The following GLB1 variants were observed in gnomAD, a reference collection of about 807,000 sequenced individuals.
GLB1 encodes beta-galactosidase.
GLB1 carries 56 observed loss-of-function variants against 74.0 expected under a neutral mutation model. The observed-to-expected ratio is 0.76, with a 90% confidence interval of 0.61 to 0.94. The LOEUF (loss-of-function observed/expected upper bound fraction) is 0.94, where lower values mean the gene tolerates loss of function less well. Among genes scored for constraint, GLB1 ranks in the 40% least tolerant of loss-of-function variants. The pLI, the probability that GLB1 is intolerant of heterozygous loss-of-function variation, is 0.00. For synonymous variants in GLB1, 323 were observed against 323.6 expected (o/e 1.00, Z 0.02); for missense variants, 787 against 845.5 (o/e 0.93, Z 0.86).
intron 14 of GLB1, among the ~76,000 whole-genome samples, chr3:33,015,245 G>T (rs1384875551): frequency 6.6e-6 from 1 of 152,178 alleles, no homozygotes. Flanking sequence ...GACGGATGCA[G>T]CCAGGAGCAA....
Position 33,093,147 on chromosome 3 carries a change from T to C in GLB1, c.75+3864A>G. 6.2e-7 allele frequency: 1 copy of C among 1,614,120 alleles called. No homozygotes were observed. Among genetic ancestry groups the C allele is most frequent in the African/African-American group, 1.3e-5 (1 of 75,014 alleles). On this transcript the variant is annotated intron_variant, in intron 1 of 15. Coordinates refer to ENST00000307363, the MANE Select transcript of GLB1 (RefSeq NM_000404.4). This position sits in a 1 kb window ranked among gnomAD's most constrained non-coding sequence, Gnocchi z 6.0. ...GCAGCCCTCCAGGGCCTTGTCAAGATCCATGCCATGGCCAGAGTAGTGCAG... is the reference window on the plus strand; with the variant it reads ...GCAGCCCTCCAGGGCCTTGTCAAGACCCATGCCATGGCCAGAGTAGTGCAG...
chr3:33,051,727 T>C (rs1698998125), intron 9 of GLB1, 31 bp downstream of exon 9: 1 of 1,613,664 alleles, frequency 6.2e-7, no homozygotes, highest in Non-Finnish European at 8.5e-7. Context: ...CATTCTAGCA[T>C]AAGTTTCTAC....
At chr3:33,089,869 T>G (rs1700675244) in intron 1 of GLB1, among the ~76,000 whole-genome samples, 1 of 152,308 alleles carries the variant, frequency 6.6e-6, no homozygotes. Context: ...TGTTGAACTA[T>G]TCACTTAAAA....
chr3:32,990,916 G>A, the GLB1 span, among the ~76,000 whole-genome samples: 5 of 152,158 alleles, frequency 3.3e-5, no homozygotes, highest in Non-Finnish European at 5.9e-5. Flanking sequence ...GGAGCTTGCA[G>A]TGAGCAGAGA....
intron 10 of GLB1, among the ~76,000 whole-genome samples, chr3:33,031,201 C>G (rs1025107749): frequency 6.6e-6 from 1 of 152,126 alleles, no homozygotes; most frequent in Admixed American, 6.6e-5. Context: ...GAGACATATT[C>G]CGCTTTTTGA....
At chr3:32,985,648 G>A in the GLB1 span, among the ~76,000 whole-genome samples, 3 of 151,868 alleles carry the variant, frequency 2.0e-5, no homozygotes, top group Non-Finnish European at 4.4e-5. Context: ...GCATATGTGT[G>A]TTTAGTATTG....
At position 33,093,308 on chromosome 3, in the gene GLB1, A is replaced by G. The variant is rs377153033; in HGVS notation, c.75+3703T>C. On this transcript the variant is annotated intron_variant, in intron 1 of 15. Coordinates refer to ENST00000307363, the MANE Select transcript of GLB1 (RefSeq NM_000404.4). This position sits in a 1 kb window ranked among gnomAD's most constrained non-coding sequence, Gnocchi z 6.0. ...CGTTCTCATTATGAAGAGGCTGGACATGCAGGGATTCCAGAAGTGCAAACC... is the reference window on the plus strand; with the variant it reads ...CGTTCTCATTATGAAGAGGCTGGACGTGCAGGGATTCCAGAAGTGCAAACC... 1 of 1,614,104 alleles carries G rather than the reference A, an allele frequency of 6.2e-7. No homozygotes were observed.
chr3:33,047,893 C>G (rs192141081), intron 9 of GLB1, among the ~76,000 whole-genome samples: 76 of 152,260 alleles, frequency 5.0e-4, no homozygotes, highest in African/African-American at 1.6e-3. Flanking sequence ...TCACAGCCAA[C>G]AGGTCTGCCT....
intron 4 of GLB1, 109 bp from the exon 5 acceptor site, chr3:33,065,666 A>T (rs1699642107): frequency 7.4e-7 from 1 of 1,355,956 alleles, no homozygotes; most frequent in South Asian, 1.3e-5. Context: ...TAAACTTTTT[A>T]AAAACATTCT....
At chr3:33,059,010 C>T (rs1158315642) in intron 5 of GLB1, among the ~76,000 whole-genome samples, 1 of 152,270 alleles carries the variant, frequency 6.6e-6, no homozygotes, top group South Asian at 2.1e-4. Context: ...TGTCATACCT[C>T]GGCAGACATG....
At chr3:33,016,444 A>G (rs1204515351) in intron 14 of GLB1, among the ~76,000 whole-genome samples, 1 of 152,072 alleles carries the variant, frequency 6.6e-6, no homozygotes, top group Non-Finnish European at 1.5e-5. Context: ...TTAATCTCCA[A>G]CTTCTGGACT....
chr3:33,050,557 C>T (rs4479543), intron 9 of GLB1, among the ~76,000 whole-genome samples: 12,321 of 152,210 alleles, frequency 0.081, 1,156 homozygotes, highest in East Asian at 0.48. Flanking sequence ...ATGTGGTTCA[C>T]TTATACGAAA....
At chr3:32,973,520 T>C in the GLB1 span, among the ~76,000 whole-genome samples, 3 of 152,114 alleles carry the variant, frequency 2.0e-5, no homozygotes, top group Admixed American at 1.3e-4. Flanking sequence ...TTTTGTATTT[T>C]TTAGTAGAGA....
At position 33,093,230 on chromosome 3, in the gene GLB1, C is replaced by G. The variant is rs1559423156; in HGVS notation, c.75+3781G>C. 2.5e-6 allele frequency: 4 copies of G among 1,613,986 alleles called. No individual in the cohort carries two copies. The Admixed American group carries it at 6.7e-5, about 27-fold the overall frequency. ...AGCAGATCCAGTCCTCATCCTCACTCCCACTGCCACTGCCACCACCACCAC... is the reference window on the plus strand; with the variant it reads ...AGCAGATCCAGTCCTCATCCTCACTGCCACTGCCACTGCCACCACCACCAC... On this transcript the variant is annotated intron_variant, in intron 1 of 15. Coordinates refer to ENST00000307363, the MANE Select transcript of GLB1 (RefSeq NM_000404.4). The surrounding 1 kb of genome is among the most constrained non-coding windows in gnomAD (Gnocchi z 6.0).
chr3:33,010,976 T>A (rs933412074), intron 15 of GLB1, among the ~76,000 whole-genome samples: 1 of 152,042 alleles, frequency 6.6e-6, no homozygotes, highest in Non-Finnish European at 1.5e-5. Flanking sequence ...CCCACCTCAG[T>A]CTCCCAAGTA....
At chr3:32,999,376 G>A (rs961920305) in intron 15 of GLB1, among the ~76,000 whole-genome samples, 3 of 152,122 alleles carry the variant, frequency 2.0e-5, no homozygotes, top group Non-Finnish European at 2.9e-5. Context: ...AGGGCATTAC[G>A]AGCAGCAGCC....
chr3:32,997,443 A>T (rs1160270810), intron 15 of GLB1, 99 bp from the exon 16 acceptor site: 1 of 1,555,396 alleles, frequency 6.4e-7, no homozygotes, highest in Non-Finnish European at 8.7e-7. Flanking sequence ...GCAATGGAGG[A>T]AAGAAATGCC....
In GLB1 at chr3:32,997,089, G is replaced by A; in HGVS notation, c.1990C>T (p.Pro664Ser). ...SKPVEKRLMPPPPQKNKDSWL... is the reference protein window; with the variant it reads ...SKPVEKRLMPSPPQKNKDSWL... Reference sequence around the variant, plus strand: ...GAATCTTTGTTTTTTTGCGGGGGTGGGGGCATGAGTCTTTTTTCAACAGGT... The same window carrying A: ...GAATCTTTGTTTTTTTGCGGGGGTGAGGGCATGAGTCTTTTTTCAACAGGT... The change falls in exon 16 of 16, where the codon CCA becomes TCA. Residue 664 changes from proline to serine, a missense_variant. Physicochemically the swap from Pro to Ser is moderately conservative, Grantham distance 74. Coordinates refer to ENST00000307363, the MANE Select transcript of GLB1 (RefSeq NM_000404.4). 5.0e-6 allele frequency: 8 copies of A among 1,614,084 alleles called. No individual in the cohort carries two copies. The highest frequency in any genetic ancestry group is 6.8e-6 in the Non-Finnish European group (8 of 1,180,018).
chr3:33,007,602 T>G (rs979129811), intron 15 of GLB1, among the ~76,000 whole-genome samples: 4 of 152,264 alleles, frequency 2.6e-5, no homozygotes, highest in Admixed American at 2.6e-4. Flanking sequence ...ATTTCGTTTA[T>G]TCATTCCTCA....
Sources: allele counts gnomAD v4.1 joint callset (sites outside exome capture counted in the v4.1 genomes callset), GRCh38; gene constraint gnomAD v4.1.1; non-coding constraint Gnocchi (gnomAD v3.1); transcripts MANE v1.5; gene names NCBI Gene and HGNC (gene_info 2026-07-23, HGNC 2026-07-21).